Variants in BRMS1L observed in about 807,000 individuals in gnomAD.
The protein encoded by BRMS1L is breast cancer metastasis-suppressor 1-like protein.
In BRMS1L, 23 loss-of-function variants were observed where a neutral mutation model predicts 50.3. The observed-to-expected ratio is 0.46, with a 90% confidence interval of 0.33 to 0.65. The LOEUF is 0.65. Ranked by LOEUF, BRMS1L falls within the 30% of genes least tolerant of loss-of-function variation. The pLI, the probability that BRMS1L is intolerant of heterozygous loss-of-function variation, is 0.02. For synonymous variants in BRMS1L, 114 were observed against 126.9 expected, an observed-to-expected ratio of 0.90 and a Z score of 0.69; for missense variants, 286 against 386.1, an observed-to-expected ratio of 0.74 and a Z score of 2.17.
chr14:35,863,975 GT>G lies in BRMS1L; in HGVS notation c.622+31del, dbSNP rs562010292. ...TCAGATATCCTTTTCCAAATTTTCT[GT>G]TTTTTTTTCCTTGATGTGCGTTTTT... On this transcript the variant is annotated intron_variant, in intron 6 of 9. Coordinates refer to ENST00000216807, the MANE Select transcript of BRMS1L (RefSeq NM_032352.4). The G allele has an allele frequency of 1.0e-3, 1,627 of 1,573,556 alleles. 16 individuals carry two copies. The African/African-American group carries it at 0.016, about 16-fold the overall frequency.
At chr14:35,847,049 A>G (rs754014898) in intron 4 of BRMS1L, among the ~76,000 whole-genome samples, 6 of 151,500 alleles carry the variant, frequency 4.0e-5, no homozygotes, top group Non-Finnish European at 8.8e-5. Context: ...ATCATAGCTC[A>G]CTGCAACATC....
At chr14:35,831,800 G>A (rs186804677) in intron 2 of BRMS1L, among the ~76,000 whole-genome samples, 329 of 152,248 alleles carry the variant, frequency 2.2e-3, no homozygotes, top group African/African-American at 7.1e-3. Context: ...CGTGCCTGTG[G>A]TCCCAGCTAC....
At chr14:35,852,086 CATT>C (rs1389693100) in intron 4 of BRMS1L, among the ~76,000 whole-genome samples, 1 of 152,170 alleles carries the variant, frequency 6.6e-6, no homozygotes, top group Non-Finnish European at 1.5e-5. Context: ...TCTTGCTCAA[CATT>C]ATTTTGGCTA....
At chr14:35,847,316 CTTTTTT>C (rs1566420848) in intron 4 of BRMS1L, among the ~76,000 whole-genome samples, 1 of 151,686 alleles carries the variant, frequency 6.6e-6, no homozygotes, top group South Asian at 2.1e-4. Flanking sequence ...TTTCTTCTTT[CTTTTTT>C]TAGAAACAGG....
chr14:35,870,063 T>G (rs562832741), intron 9 of BRMS1L, among the ~76,000 whole-genome samples: 3 of 151,902 alleles, frequency 2.0e-5, no homozygotes, highest in Admixed American at 2.0e-4. Context: ...CCAGTTTTTT[T>G]TTTTTTTTTT....
At chr14:35,832,139 C>T (rs1407304355) in intron 2 of BRMS1L, among the ~76,000 whole-genome samples, 1 of 152,034 alleles carries the variant, frequency 6.6e-6, no homozygotes, top group Non-Finnish European at 1.5e-5. Context: ...TTGAGACAAA[C>T]TTAGTATGTC....
In BRMS1L at chr14:35,834,828, T is replaced by G; in HGVS notation, c.362-16T>G. On this transcript the variant is annotated splice_polypyrimidine_tract_variant and intron_variant, in intron 3 of 9. Transcript: ENST00000216807. ...CTCATTGCTAACATAATCAGAGTAA[T>G]TGTGTTTGGTTGCAGGAATCTATAG... is the stretch of plus-strand genomic sequence containing the variant. 1 of 1,520,454 alleles carries G rather than the reference T, an allele frequency of 6.6e-7. No individual in the cohort carries two copies. Among genetic ancestry groups the G allele is most frequent in the South Asian group, 1.4e-5 (1 of 72,640 alleles). The allele number at this position is 1,520,454 out of a possible 1,614,324, so 94.2% of individuals were successfully genotyped here. A position where few individuals can be genotyped will look rare whatever the true frequency, so the allele number is the denominator to read the frequency against.
chr14:35,845,744 C>T (rs2078125176), intron 4 of BRMS1L, among the ~76,000 whole-genome samples: 1 of 152,114 alleles, frequency 6.6e-6, no homozygotes, highest in African/African-American at 2.4e-5. Context: ...TACACATACA[C>T]ACACACACAT....
At chr14:35,852,903 C>T (rs2078230187) in intron 4 of BRMS1L, among the ~76,000 whole-genome samples, 1 of 151,970 alleles carries the variant, frequency 6.6e-6, no homozygotes. Context: ...TGCTGTCCGG[C>T]CTGGGCGAAA....
intron 4 of BRMS1L, among the ~76,000 whole-genome samples, chr14:35,836,848 G>T (rs1277762794): frequency 6.6e-6 from 1 of 151,892 alleles, no homozygotes; most frequent in African/African-American, 2.4e-5. Flanking sequence ...CCATTTTCAC[G>T]ATATCGATTC....
Position 35,826,421 on chromosome 14 carries a change from GTGGC to G in BRMS1L, c.-92_-89del. On this transcript the variant is annotated 5_prime_UTR_variant, in exon 1 of 10. Coordinates refer to ENST00000216807, the MANE Select transcript of BRMS1L (RefSeq NM_032352.4). The stretch of plus-strand genomic sequence containing the variant: ...GGAGCCAAGGGGGCGAGCAAGCTCG[GTGGC>G]TGGGTGGGTTGGGGCGTTCCGCGCG... 9 of 1,528,696 alleles carry G rather than the reference GTGGC, an allele frequency of 5.9e-6. No homozygotes were observed. Among genetic ancestry groups the G allele is most frequent in the Non-Finnish European group, 7.9e-6 (9 of 1,136,088 alleles). The allele number at this position is 1,528,696 out of a possible 1,614,324, so 94.7% of individuals were successfully genotyped here. A position where few individuals can be genotyped will look rare whatever the true frequency, so the allele number is the denominator to read the frequency against.
intron 2 of BRMS1L, among the ~76,000 whole-genome samples, chr14:35,832,432 A>G (rs1019281320): frequency 2.0e-5 from 3 of 151,110 alleles, no homozygotes; most frequent in Non-Finnish European, 4.4e-5. Context: ...GCGTGAACCC[A>G]GGAGGCGGAG....
At chr14:35,844,455 C>T (rs574965928) in intron 4 of BRMS1L, among the ~76,000 whole-genome samples, 2 of 152,296 alleles carry the variant, frequency 1.3e-5, no homozygotes, top group South Asian at 4.1e-4. Context: ...TTCCCAACAC[C>T]TTATGCTTCC....
chr14:35,831,885 C>CA (rs1481460578), intron 2 of BRMS1L, among the ~76,000 whole-genome samples: 3 of 151,626 alleles, frequency 2.0e-5, no homozygotes, highest in Admixed American at 6.6e-5. Context: ...CGTGCCATTG[C>CA]ACTGCAGCCT....
At chr14:35,845,481 A>G (rs1002044656) in intron 4 of BRMS1L, among the ~76,000 whole-genome samples, 2 of 152,128 alleles carry the variant, frequency 1.3e-5, no homozygotes, top group African/African-American at 2.4e-5. Context: ...TTTTATTCTC[A>G]TGATCTATTG....
chr14:35,854,123 CT>C (rs1439147622), intron 4 of BRMS1L, among the ~76,000 whole-genome samples: 1 of 152,052 alleles, frequency 6.6e-6, no homozygotes, highest in Non-Finnish European at 1.5e-5. Context: ...ATAGTTAGTT[CT>C]TTTTAGGTTT....
intron 2 of BRMS1L, among the ~76,000 whole-genome samples, chr14:35,832,369 A>C (rs2077932410): frequency 2.7e-5 from 4 of 146,604 alleles, no homozygotes; most frequent in Middle Eastern, 3.4e-3. Flanking sequence ...AAAAAAAAAA[A>C]TTAGCCGGGC....
In BRMS1L at chr14:35,826,360, C is replaced by G; in HGVS notation, c.-157C>G. ...GGCAGAGCTCCCATCGCAGAGCCTG[C>G]GGGTTAGGTTGTGAGGCCCGGGCCG... On this transcript the variant is annotated 5_prime_UTR_variant, in exon 1 of 10. Transcript: ENST00000216807. The G allele has an allele frequency of 3.7e-6, 4 of 1,085,562 alleles. No individual in the cohort carries two copies. Among genetic ancestry groups the G allele is most frequent in the Non-Finnish European group, 5.2e-6 (4 of 766,558 alleles). 67.2% of individuals were successfully genotyped at this position (1,085,562 alleles called of 1,614,324 possible). A position where few individuals can be genotyped will look rare whatever the true frequency, so the allele number is the denominator to read the frequency against.
intron 4 of BRMS1L, among the ~76,000 whole-genome samples, chr14:35,846,410 GAAAA>G (rs938030295): frequency 6.9e-6 from 1 of 145,244 alleles, no homozygotes; most frequent in Non-Finnish European, 1.5e-5. Context: ...AAAAAAAAAA[GAAAA>G]AAAAATCAGA....
Sources: gnomAD v4.1 joint callset for allele counts (sites outside exome capture counted in the v4.1 genomes callset) on GRCh38, gnomAD v4.1.1 for gene constraint, MANE v1.5 for transcripts, NCBI Gene and HGNC (gene_info 2026-07-23, HGNC 2026-07-21) for gene names.